Variants in IKZF4 observed in about 807,000 individuals in gnomAD.
The protein encoded by IKZF4 is IKAROS family zinc finger 4.
Under a neutral mutation model 47.7 loss-of-function variants are expected in IKZF4, and 11 were observed. The ratio of observed to expected loss-of-function variants is 0.23; its 90% CI spans 0.15 to 0.38. IKZF4 has a LOEUF of 0.38. IKZF4 is among the 10% of genes least tolerant of loss of function. The probability of loss-of-function intolerance (pLI) is 1.00; values close to 1 mark genes in which losing one functional copy is unlikely to be tolerated. For missense variants in IKZF4, 557 were observed against 784.9 expected (o/e 0.71, Z 3.47); for synonymous variants, 298 against 299.4 (o/e 1.00, Z 0.05).
Position 56,035,085 on chromosome 12 carries a change from G to T in IKZF4, c.1512G>T (p.Gly504=). The T allele has an allele frequency of 6.2e-7, 1 of 1,602,354 alleles. No individual in the cohort carries two copies. Among genetic ancestry groups the T allele is most frequent in the Non-Finnish European group, 8.5e-7 (1 of 1,173,842 alleles). Residue 504 remains glycine, a synonymous_variant, in exon 8 of 8, where the codon GGG becomes GGT. Transcript: ENST00000547167. The surrounding 1 kb of genome is among the most constrained non-coding windows in gnomAD (Gnocchi z 6.1). ...YAKEDPKPQE[G]LLRGTPGPSK... ...AAGAGGACCCCAAGCCACAGGAGGG[G>T]TTATTGCGGGGCACCCCAGGCCCCT...
intron 1 of IKZF4, among the ~76,000 whole-genome samples, chr12:56,023,403 C>T (rs1019970936): frequency 5.3e-5 from 8 of 152,238 alleles, no homozygotes; most frequent in African/African-American, 1.9e-4. Flanking sequence ...TCTGAGTCTA[C>T]AAGTCTCAAC....
rs761643413 is a variant in IKZF4 at position 56,025,048 on chromosome 12, T to A, written c.182-6T>A. 36 of 1,575,070 alleles carry A rather than the reference T, an allele frequency of 2.3e-5. No homozygotes were observed. The South Asian group carries it at 4.2e-4, about 18-fold the overall frequency. On this transcript the variant is annotated splice_polypyrimidine_tract_variant and splice_region_variant and intron_variant, in intron 2 of 7. Coordinates refer to ENST00000547167, the MANE Select transcript of IKZF4 (RefSeq NM_022465.4). ...CTTTACCTGCCCTCTTGTTCTCTCC[T>A]CCAAGGTAGCGGGGACTCATCTCTG...
chr12:56,034,625 G>A lies in IKZF4; in HGVS notation c.1052G>A (p.Gly351Asp). 3 of 1,613,996 alleles carry A rather than the reference G, an allele frequency of 1.9e-6. No homozygotes were observed. The highest frequency in any genetic ancestry group is 2.5e-6 in the Non-Finnish European group (3 of 1,179,870). The stretch of plus-strand genomic sequence containing the variant: ...GACCTCCCCTATGATGTGAACTCGG[G>A]TGGCTATGAAAAGGATGTGGAGTTG... Reference protein sequence around the residue: ...LSDLPYDVNSGGYEKDVELVA... With the variant: ...LSDLPYDVNSDGYEKDVELVA... Residue 351 changes from glycine (G) to aspartate (D), a missense_variant, in exon 8 of 8, where the codon GGT (glycine) becomes GAT (aspartate). Physicochemically the swap from Gly to Asp is moderately conservative, Grantham distance 94. This residue lies in a region of IKZF4 where 280 missense variants were observed against 314.0 expected (regional missense o/e 0.89). Coordinates refer to ENST00000547167, the MANE Select transcript of IKZF4 (RefSeq NM_022465.4).
At chr12:56,033,610 A>G (rs577361038) in intron 7 of IKZF4, among the ~76,000 whole-genome samples, 34 of 152,092 alleles carry the variant, frequency 2.2e-4, no homozygotes, top group Non-Finnish European at 4.1e-4. Flanking sequence ...GGGAGGCTGA[A>G]GCAGGAGAAT....
intron 5 of IKZF4, 125 bp from the exon 6 acceptor site, chr12:56,032,436 G>C (rs1895043253): frequency 1.1e-6 from 1 of 946,210 alleles, no homozygotes; most frequent in Admixed American, 3.0e-5. Context: ...AAGACAAGTA[G>C]AAGAACTCAA....
chr12:56,018,926 T>C (rs1892487154), upstream of IKZF4, among the ~76,000 whole-genome samples: 1 of 149,660 alleles, frequency 6.7e-6, no homozygotes, highest in Admixed American at 6.7e-5. Context: ...CTACTAAAAA[T>C]ACAAAAATTA....
intron 2 of IKZF4, among the ~76,000 whole-genome samples, chr12:56,012,428 C>T (rs1199186262): frequency 6.6e-6 from 1 of 152,012 alleles, no homozygotes. Context: ...GCATGAACCA[C>T]CACCCCTGGC....
intron 1 of IKZF4, among the ~76,000 whole-genome samples, chr12:56,009,113 C>G (rs1365579725): frequency 6.6e-6 from 1 of 152,066 alleles, no homozygotes; most frequent in Non-Finnish European, 1.5e-5. Flanking sequence ...CCTGTGCCCT[C>G]GAAGCATCAA....
intron 5 of IKZF4, among the ~76,000 whole-genome samples, chr12:56,030,014 C>T (rs1056225903): frequency 7.9e-5 from 12 of 152,174 alleles, no homozygotes; most frequent in Admixed American, 6.5e-4. Flanking sequence ...GATATACTGT[C>T]AGGTCCCATC....
At chr12:56,022,305 A>C (rs1247353261) in intron 1 of IKZF4, among the ~76,000 whole-genome samples, 1 of 152,140 alleles carries the variant, frequency 6.6e-6, no homozygotes, top group Non-Finnish European at 1.5e-5. Flanking sequence ...CCTGCTTTTC[A>C]GCCTTTACCT....
intron 1 of IKZF4, among the ~76,000 whole-genome samples, chr12:56,022,637 C>T (rs1893215596): frequency 6.6e-6 from 1 of 152,068 alleles, no homozygotes; most frequent in African/African-American, 2.4e-5. Flanking sequence ...TATTTTAGCC[C>T]CATGAAAGTA....
At chr12:56,019,386 G>C, upstream of IKZF4, 1 of 984,904 alleles carries the variant, frequency 1.0e-6, no homozygotes, top group South Asian at 4.7e-5. Context: ...ACACATATGA[G>C]AGTCATTGGC....
At chr12:56,025,011 C>G (rs1243601664) in intron 2 of IKZF4, 43 bp from the exon 3 acceptor site, 3 of 1,554,138 alleles carry the variant, frequency 1.9e-6, no homozygotes, top group South Asian at 2.4e-5. Context: ...CAGTAGATAT[C>G]TCCAGCTCCA....
chr12:56,015,256 T>C (rs1245676543), intron 2 of IKZF4, among the ~76,000 whole-genome samples: 2 of 151,462 alleles, frequency 1.3e-5, no homozygotes, highest in African/African-American at 2.4e-5. Context: ...TTTGTATTTT[T>C]AGTAGAGATG....
At chr12:56,013,343 G>A (rs1434505969) in intron 2 of IKZF4, among the ~76,000 whole-genome samples, 1 of 151,950 alleles carries the variant, frequency 6.6e-6, no homozygotes, top group African/African-American at 2.4e-5. Context: ...CTACAGGCAT[G>A]TACCACCAAG....
At chr12:56,011,682 G>A (rs770976752) in intron 2 of IKZF4, 11 of 152,226 alleles carry the variant, frequency 7.2e-5, no homozygotes, top group Admixed American at 6.5e-5. Context: ...CTACAGCCTG[G>A]TGAAAAATGA....
rs1895154120 is a variant in IKZF4, at chr12:56,033,246, G to A, written c.922G>A (p.Glu308Lys). 1.2e-6 allele frequency: 2 copies of A among 1,613,872 alleles called. No individual in the cohort carries two copies. The highest frequency in any genetic ancestry group is 1.3e-5 in the African/African-American group (1 of 74,914). ...AGACTCCATGCTGCACTCATCCTCTGAGCGGCCAACTTTCATCGATCGTCT... is the reference window on the plus strand; with the variant it reads ...AGACTCCATGCTGCACTCATCCTCTAAGCGGCCAACTTTCATCGATCGTCT... ...VPDSMLHSSS[E>K]RPTFIDRLAN... The change falls in exon 7 of 8, where the codon GAG (glutamate) becomes AAG (lysine). Residue 308 changes from glutamate (E) to lysine (K), a missense_variant. This residue lies in a region of IKZF4 where 280 missense variants were observed against 314.0 expected (regional missense o/e 0.89). Transcript: ENST00000547167.
At chr12:56,033,130 T>C in intron 6 of IKZF4, 60 bp from the exon 7 acceptor site, 2 of 1,594,020 alleles carry the variant, frequency 1.3e-6, no homozygotes, top group East Asian at 4.5e-5. Context: ...AGGCAAAGGC[T>C]GTGGGGCCAA....
At chr12:56,009,037 ATTG>A (rs571298505) in intron 1 of IKZF4, among the ~76,000 whole-genome samples, 69 of 151,912 alleles carry the variant, frequency 4.5e-4, no homozygotes, top group Non-Finnish European at 7.8e-4. Flanking sequence ...AAAACTGTCT[ATTG>A]TTGTTACTCT....
Sources: gnomAD v4.1 joint callset for allele counts (sites outside exome capture counted in the v4.1 genomes callset) on GRCh38, gnomAD v4.1.1 for gene constraint, gnomAD v4.1.1 regional missense constraint, Gnocchi (gnomAD v3.1) non-coding constraint, MANE v1.5 for transcripts, NCBI Gene and HGNC (gene_info 2026-07-23, HGNC 2026-07-21) for gene names.